The following NYAP2 variants were observed in gnomAD, a reference collection of about 807,000 sequenced individuals.
The protein encoded by NYAP2 is neuronal tyrosine-phosphorylated phosphoinositide-3-kinase adapter 2.
In NYAP2, 23 loss-of-function variants were observed where a neutral mutation model predicts 50.4. The observed-to-expected ratio is 0.46, with a 90% CI of 0.33 to 0.65. NYAP2 has a LOEUF of 0.65. NYAP2 is among the 30% of genes least tolerant of loss of function. The pLI is 0.02. For synonymous variants in NYAP2, 394 were observed against 365.2 expected, an observed-to-expected ratio of 1.08 and a Z score of -0.90; for missense variants, 885 against 861.0, an observed-to-expected ratio of 1.03 and a Z score of -0.35.
chr2:225,425,027 C>T (rs992093792), intron 3 of NYAP2, among the ~76,000 whole-genome samples: 1 of 152,044 alleles, frequency 6.6e-6, no homozygotes, highest in African/African-American at 2.4e-5. Context: ...TTTCTAGAAG[C>T]CAACCTTTTG....
chr2:225,485,290 C>T (rs1365454690), intron 3 of NYAP2, among the ~76,000 whole-genome samples: 1 of 152,156 alleles, frequency 6.6e-6, no homozygotes, highest in African/African-American at 2.4e-5. Context: ...GAGACCTCCC[C>T]AGCCACATGG....
At chr2:225,612,732 G>A (rs529653678) in intron 5 of NYAP2, among the ~76,000 whole-genome samples, 15 of 54,056 alleles carry the variant, frequency 2.8e-4, no homozygotes, top group South Asian at 8.7e-4. Context: ...CACTAATCCC[G>A]TCATGGAGGC....
chr2:225,661,484 GT>G, the NYAP2 span, among the ~76,000 whole-genome samples: 2 of 152,152 alleles, frequency 1.3e-5, no homozygotes, highest in African/African-American at 4.8e-5. Context: ...GTTTGCCAGA[GT>G]GCTCAGAATG....
At chr2:225,522,426 G>T (rs1439370432) in intron 4 of NYAP2, among the ~76,000 whole-genome samples, 1 of 152,054 alleles carries the variant, frequency 6.6e-6, no homozygotes, top group Non-Finnish European at 1.5e-5. Context: ...CAAAAATTGG[G>T]ATACCTGCTA....
intron 3 of NYAP2, among the ~76,000 whole-genome samples, chr2:225,507,122 C>T (rs1690721082): frequency 6.6e-6 from 1 of 152,162 alleles, no homozygotes; most frequent in African/African-American, 2.4e-5. Context: ...GGATCAATAT[C>T]TTTATCTACT....
chr2:225,651,134 G>A (rs1038286472), intron 6 of NYAP2, among the ~76,000 whole-genome samples: 18 of 152,178 alleles, frequency 1.2e-4, no homozygotes, highest in Non-Finnish European at 2.9e-5. Context: ...TTCTCCTAAT[G>A]GGTTGTTGTT....
chr2:225,690,750 C>A, the NYAP2 span, among the ~76,000 whole-genome samples: 3 of 152,050 alleles, frequency 2.0e-5, no homozygotes, highest in South Asian at 6.2e-4. Flanking sequence ...TAACTGATTT[C>A]AAATCTAGGT....
chr2:225,574,847 C>G (rs1385477079), intron 4 of NYAP2, among the ~76,000 whole-genome samples: 1 of 152,070 alleles, frequency 6.6e-6, no homozygotes, highest in African/African-American at 2.4e-5. Flanking sequence ...ATAGTCAAGC[C>G]CTTCATTTGA....
At chr2:225,627,060 G>A in exon 6 of NYAP2, 2 of 1,597,818 alleles carry the variant, frequency 1.3e-6, no homozygotes, top group Non-Finnish European at 1.7e-6. Flanking sequence ...AGGGACACCT[G>A]TGGTCACCAG....
intron 6 of NYAP2, among the ~76,000 whole-genome samples, chr2:225,628,855 T>G (rs2106258973): frequency 6.6e-6 from 1 of 152,272 alleles, no homozygotes; most frequent in South Asian, 2.1e-4. Context: ...ATAGCCACAG[T>G]TCTATGATCT....
intron 5 of NYAP2, among the ~76,000 whole-genome samples, chr2:225,616,958 G>A (rs1249464923): frequency 6.6e-6 from 1 of 152,202 alleles, no homozygotes; most frequent in Non-Finnish European, 1.5e-5. Context: ...AGCAGTTGGA[G>A]TAGCATGCAG....
chr2:225,406,203 C>A (rs548517289), intron 2 of NYAP2, among the ~76,000 whole-genome samples: 1 of 151,658 alleles, frequency 6.6e-6, no homozygotes, highest in African/African-American at 2.4e-5. Context: ...GTTTCTAGGC[C>A]ATTCTGCCAG....
At chr2:225,620,832 A>T (rs1693086708) in intron 5 of NYAP2, among the ~76,000 whole-genome samples, 1 of 152,098 alleles carries the variant, frequency 6.6e-6, no homozygotes, top group Non-Finnish European at 1.5e-5. Flanking sequence ...AATCTGGAAG[A>T]GGGCCAGGCG....
chr2:225,549,610 T>A (rs897908856), intron 4 of NYAP2, among the ~76,000 whole-genome samples: 2 of 152,156 alleles, frequency 1.3e-5, no homozygotes, highest in South Asian at 4.1e-4. Context: ...AAAATTTGAT[T>A]GTCATTAGAA....
the NYAP2 span, chr2:225,698,580 A>T: frequency 4.6e-5 from 7 of 152,284 alleles, no homozygotes; most frequent in African/African-American, 1.7e-4. Flanking sequence ...ACATTTCTTA[A>T]TATGAAGAGG....
chr2:225,508,760 T>C (rs986367957), intron 3 of NYAP2, among the ~76,000 whole-genome samples: 7 of 152,224 alleles, frequency 4.6e-5, no homozygotes, highest in African/African-American at 1.4e-4. Flanking sequence ...TAATACCTCA[T>C]TGTGCTCATC....
intron 3 of NYAP2, among the ~76,000 whole-genome samples, chr2:225,474,541 G>A (rs1246545614): frequency 6.6e-6 from 1 of 152,096 alleles, no homozygotes; most frequent in Non-Finnish European, 1.5e-5. Flanking sequence ...TTGTAAGTTG[G>A]ATTCCTAGGT....
chr2:225,587,830 A>AG (rs2106233524), intron 5 of NYAP2, among the ~76,000 whole-genome samples: 1 of 141,516 alleles, frequency 7.1e-6, no homozygotes, highest in South Asian at 2.1e-4. Flanking sequence ...TGGCATTACA[A>AG]AAAAAAAAAG....
rs1203016686 is a variant in NYAP2, at chr2:225,518,567, T to TATATATATATATATAA, written c.523+4897_523+4898insATATATATATATAAAT. On this transcript the variant is annotated intron_variant, in intron 4 of 6. Transcript: ENST00000636099. Reference sequence around the variant, plus strand: ...ATATATATATATATATATATATATATATTAGCGTGTGCGCTTATATATATA... The same window carrying TATATATATATATATAA: ...ATATATATATATATATATATATATATATATATATATATATAAATTAGCGTGTGCGCTTATATATATA... 1.6e-4 allele frequency among the ~76,000 whole-genome samples: 4 copies of TATATATATATATATAA among 25,526 alleles called. 1 individual carries two copies. Among genetic ancestry groups the TATATATATATATATAA allele is most frequent in the Non-Finnish European group, 2.8e-4 (3 of 10,838 alleles). 16.7% of individuals were successfully genotyped at this position (25,526 alleles called of 152,430 possible). A position where few individuals can be genotyped will look rare whatever the true frequency, so the allele number is the denominator to read the frequency against.
Sources: gnomAD v4.1 joint callset for allele counts (sites outside exome capture counted in the v4.1 genomes callset) on GRCh38, gnomAD v4.1.1 for gene constraint, MANE v1.5 for transcripts, NCBI Gene and HGNC (gene_info 2026-07-23, HGNC 2026-07-21) for gene names.